CDC45: variants seen among roughly 807,000 people sequenced by gnomAD.
CDC45 encodes the protein cell division cycle 45, also known as cell division control protein 45 homolog.
Under a neutral mutation model 77.8 loss-of-function variants are expected in CDC45, and 54 were observed. The ratio of observed to expected loss-of-function variants is 0.69; its 90% CI spans 0.56 to 0.87. The LOEUF is 0.87. CDC45 is among the 40% of genes least tolerant of loss of function. CDC45 has a pLI of 0.00. For synonymous variants in CDC45, 260 were observed against 272.1 expected (o/e 0.96, Z 0.44); for missense variants, 649 against 721.6 (o/e 0.90, Z 1.15).
At chr22:19,491,107 A>G (rs891347904) in intron 5 of CDC45, among the ~76,000 whole-genome samples, 6 of 152,134 alleles carry the variant, frequency 3.9e-5, no homozygotes, top group Non-Finnish European at 5.9e-5. Flanking sequence ...AATTACAAGC[A>G]TGAGCCACTG....
At chr22:19,480,336 C>A in intron 2 of CDC45, 119 bp downstream of exon 2, 2 of 948,838 alleles carry the variant, frequency 2.1e-6, no homozygotes, top group Admixed American at 1.7e-5. Flanking sequence ...GGAGAGGGAG[C>A]AGGGCAGGAG....
At chr22:19,490,971 G>T (rs1035977344) in intron 5 of CDC45, among the ~76,000 whole-genome samples, 6 of 151,792 alleles carry the variant, frequency 4.0e-5, no homozygotes, top group Non-Finnish European at 8.8e-5. Context: ...GGGACCCCAG[G>T]TGTGTGCCAC....
chr22:19,482,799 A>G lies in CDC45; in HGVS notation c.314A>G (p.Asn105Ser), dbSNP rs781048422. 1.5e-5 allele frequency: 25 copies of G among 1,613,994 alleles called. No homozygotes were observed. In the Middle Eastern group the frequency reaches 1.3e-3, roughly 85 times the overall value. Residue 105 changes from asparagine (N) to serine (S), a missense_variant, in exon 4 of 19, where the codon AAT becomes AGT. Physicochemically the swap from Asn to Ser is conservative, Grantham distance 46. Transcript: ENST00000263201. ...FFVCDTHRPV[N>S]VVNVYNDTQI... Reference sequence around the variant, plus strand: ...GTGTGTGACACCCATAGGCCAGTCAATGTCGTCAATGTATACAACGATACC... The same window carrying G: ...GTGTGTGACACCCATAGGCCAGTCAGTGTCGTCAATGTATACAACGATACC...
chr22:19,501,913 T>G (rs1366869703), intron 9 of CDC45, among the ~76,000 whole-genome samples: 1 of 152,034 alleles, frequency 6.6e-6, no homozygotes, highest in African/African-American at 2.4e-5. Context: ...GATGGGGTCT[T>G]ACTTTGTTGC....
At chr22:19,504,095 G>T (rs1377826041) in intron 9 of CDC45, among the ~76,000 whole-genome samples, 1 of 152,218 alleles carries the variant, frequency 6.6e-6, no homozygotes, top group Non-Finnish European at 1.5e-5. Context: ...TGCCCACAAG[G>T]GGCTCGAGGC....
intron 9 of CDC45, among the ~76,000 whole-genome samples, chr22:19,504,277 T>C (rs537080021): frequency 6.6e-6 from 1 of 152,206 alleles, no homozygotes; most frequent in Non-Finnish European, 1.5e-5. Flanking sequence ...TGAGGAGTTC[T>C]GGGCTGGGCT....
rs1474933224 is a variant in CDC45, at chr22:19,480,172, C to G, written c.66C>G (p.Phe22Leu). The G allele has an allele frequency of 6.2e-7, 1 of 1,614,040 alleles. No homozygotes were observed. Reference sequence around the variant, plus strand: ...TTCCCCGATAGAGGGTCCTTCTCTTCGTGGCCTCGGACGTGGATGCTCTGT... The same window carrying G: ...TTCCCCGATAGAGGGTCCTTCTCTTGGTGGCCTCGGACGTGGATGCTCTGT... ...EVVQSQRVLL[F>L]VASDVDALCA... is the part of the protein sequence containing the mutation. Residue 22 changes from phenylalanine to leucine, a missense_variant, in exon 2 of 19, where the codon TTC becomes TTG. Phe to Leu is a conservative substitution (Grantham distance 22). Transcript: ENST00000263201.
At chr22:19,496,644 A>G (rs5748240) in intron 7 of CDC45, among the ~76,000 whole-genome samples, 116,300 of 152,108 alleles carry the variant, frequency 0.76, 44,702 homozygotes, top group South Asian at 0.88. Flanking sequence ...AAAATTCTAA[A>G]CAGTTGGTGG....
chr22:19,479,913 C>G (rs1473040208), upstream of CDC45: 8 of 1,597,914 alleles, frequency 5.0e-6, no homozygotes, highest in South Asian at 2.2e-5. Context: ...GAGTCTTGAC[C>G]GCCGCCGGGC....
intron 6 of CDC45, chr22:19,494,705 A>G: frequency 1.2e-6 from 1 of 868,006 alleles, no homozygotes; most frequent in Non-Finnish European, 1.8e-6. Context: ...GAAGTGCTCT[A>G]AAATGAAAAT....
chr22:19,517,978 G>T (rs111498110), intron 17 of CDC45, among the ~76,000 whole-genome samples: 10 of 152,342 alleles, frequency 6.6e-5, no homozygotes, highest in African/African-American at 2.2e-4. Context: ...ACTGTCATGG[G>T]AGATCCAGCC....
At chr22:19,514,426 C>G (rs1319125660) in intron 13 of CDC45, among the ~76,000 whole-genome samples, 2 of 152,106 alleles carry the variant, frequency 1.3e-5, no homozygotes, top group African/African-American at 2.4e-5. Context: ...TGAGGGGATC[C>G]CTTGTCCAAC....
At chr22:19,483,426 C>T (rs1458963414) in intron 4 of CDC45, among the ~76,000 whole-genome samples, 4 of 151,986 alleles carry the variant, frequency 2.6e-5, no homozygotes, top group Middle Eastern at 3.4e-3. Flanking sequence ...AGCGAGACTC[C>T]GTCTCCAAAA....
chr22:19,493,436 TTTTG>T lies in CDC45; in HGVS notation c.487-888_487-885del, dbSNP rs772847421. The stretch of plus-strand genomic sequence containing the variant: ...TCAGAGTCTTACTTTGTTTTTTTTT[TTTTG>T]TTGTTGTTGTTTGTATGTTTCTGAG... On this transcript the variant is annotated intron_variant, in intron 5 of 18. Transcript: ENST00000263201. Among the ~76,000 whole-genome samples the T allele has an allele frequency of 2.3e-3, 346 of 148,424 alleles. 1 individual carries two copies. The highest frequency in any genetic ancestry group is 3.3e-3 in the Non-Finnish European group (227 of 67,910).
chr22:19,518,797 G>A, intron 17 of CDC45, 47 bp from the exon 18 acceptor site: 1 of 1,521,900 alleles, frequency 6.6e-7, no homozygotes, highest in African/African-American at 1.4e-5. Context: ...CCTGTCTTGT[G>A]TTCCCACTCC....
At chr22:19,484,788 T>C (rs1246303111) in intron 5 of CDC45, among the ~76,000 whole-genome samples, 1 of 152,222 alleles carries the variant, frequency 6.6e-6, no homozygotes, top group Non-Finnish European at 1.5e-5. Context: ...CCCTTCAAAC[T>C]GAGGCATGCT....
chr22:19,505,481 AG>A lies in CDC45; in HGVS notation c.824+1del. 1.9e-6 allele frequency: 3 copies of A among 1,614,012 alleles called. No homozygotes were observed. Among genetic ancestry groups the A allele is most frequent in the Non-Finnish European group, 2.5e-6 (3 of 1,179,954 alleles). Reference sequence around the variant, plus strand: ...TGCACACGGATCTCCTTTGAGTATGAGTATCCTTGTGGCCCAGCCTGAGGGG... The same window carrying A: ...TGCACACGGATCTCCTTTGAGTATGATATCCTTGTGGCCCAGCCTGAGGGG... On this transcript the variant is annotated splice_donor_variant, in intron 10 of 18. Coordinates refer to ENST00000263201, the MANE Select transcript of CDC45 (RefSeq NM_003504.5). LOFTEE classifies it high-confidence loss of function.
Position 19,480,959 on chromosome 22 carries a change from T to C in CDC45, c.118T>C (p.Phe40Leu), listed in dbSNP as rs1329158042. The C allele has an allele frequency of 6.2e-7, 1 of 1,609,800 alleles. No individual in the cohort carries two copies. ...LCACKILQAL[F>L]QCDHVQYTLV... ...GAAAACACTCTCTCTCCAGGCCTTGTTCCAGTGTGACCACGTGCAATATAC... is the reference window on the plus strand; with the variant it reads ...GAAAACACTCTCTCTCCAGGCCTTGCTCCAGTGTGACCACGTGCAATATAC... Residue 40 changes from phenylalanine (F) to leucine (L), a missense_variant, in exon 3 of 19, where the codon TTC (phenylalanine) becomes CTC (leucine). Transcript: ENST00000263201.
upstream of CDC45, chr22:19,479,576 G>A (rs1423758706): frequency 1.7e-6 from 1 of 582,460 alleles, no homozygotes; most frequent in East Asian, 4.2e-5. Flanking sequence ...CATTGGGTAT[G>A]TGACTGAGTT....
Sources: allele counts gnomAD v4.1 joint callset (sites outside exome capture counted in the v4.1 genomes callset), GRCh38; gene constraint gnomAD v4.1.1; transcripts MANE v1.5; gene names NCBI Gene and HGNC (gene_info 2026-07-23, HGNC 2026-07-21).